Variants in ATXN1 observed in about 807,000 individuals in gnomAD.
ATXN1 encodes ataxin-1.
Under a neutral mutation model 56.4 loss-of-function variants are expected in ATXN1, and 8 were observed. The observed-to-expected ratio is 0.14, with a 90% confidence interval of 0.08 to 0.26. The LOEUF is 0.26. Ranked by LOEUF, ATXN1 falls within the 10% of genes least tolerant of loss-of-function variation. The probability of loss-of-function intolerance (pLI) is 1.00; values close to 1 mark genes in which losing one functional copy is unlikely to be tolerated. For missense variants in ATXN1, 987 were observed against 1,106.5 expected, an observed-to-expected ratio of 0.89 and a Z score of 1.53; for synonymous variants, 514 against 494.6, an observed-to-expected ratio of 1.04 and a Z score of -0.52.
chr6:16,662,122 T>G (rs1758332087), intron 2 of ATXN1, among the ~76,000 whole-genome samples: 1 of 152,152 alleles, frequency 6.6e-6, no homozygotes, highest in Non-Finnish European at 1.5e-5. Context: ...AAATCACCTG[T>G]TCAACAGCAC....
At chr6:16,347,235 A>C (rs1468034487) in intron 6 of ATXN1, among the ~76,000 whole-genome samples, 1 of 152,144 alleles carries the variant, frequency 6.6e-6, no homozygotes, top group Non-Finnish European at 1.5e-5. Context: ...GGCGCACGGC[A>C]CTGGCAGGCA....
chr6:16,381,752 G>A (rs912915157), intron 6 of ATXN1, among the ~76,000 whole-genome samples: 1 of 152,318 alleles, frequency 6.6e-6, no homozygotes, highest in South Asian at 2.1e-4. Context: ...GGACAACTCT[G>A]CCAGTCAGGT....
intron 3 of ATXN1, among the ~76,000 whole-genome samples, chr6:16,612,368 C>T (rs1365987485): frequency 6.6e-6 from 1 of 151,962 alleles, no homozygotes; most frequent in Non-Finnish European, 1.5e-5. Flanking sequence ...TGCAACAAAA[C>T]TCATTAATAG....
intron 3 of ATXN1, among the ~76,000 whole-genome samples, chr6:16,606,769 C>T (rs1353222885): frequency 6.6e-6 from 1 of 151,422 alleles, no homozygotes; most frequent in Non-Finnish European, 1.5e-5. Context: ...ACCTCGTGAT[C>T]CGCCCGCCTC....
intron 2 of ATXN1, among the ~76,000 whole-genome samples, chr6:16,710,250 A>G (rs1759494289): frequency 6.6e-6 from 1 of 152,240 alleles, no homozygotes; most frequent in Non-Finnish European, 1.5e-5. Context: ...TACCAAAGAT[A>G]TGCAATGTCT....
rs1761046013 is a variant in ATXN1 at position 16,760,354 on chromosome 6, G to GC, written c.-730+943dup. ...CGCCTGCCGCGGCTCCTCGTCTCCTGCCGCGGGTGCTGGCGGGGGCGCCGG... is the reference window on the plus strand; with the variant it reads ...CGCCTGCCGCGGCTCCTCGTCTCCTGCCCGCGGGTGCTGGCGGGGGCGCCGG... On this transcript the variant is annotated intron_variant, in intron 1 of 7. Coordinates refer to ENST00000436367, the MANE Select transcript of ATXN1 (RefSeq NM_001128164.2). This position sits in a 1 kb window ranked among gnomAD's most constrained non-coding sequence, Gnocchi z 5.3. Among the ~76,000 whole-genome samples, 1 of 151,716 alleles carries GC rather than the reference G, an allele frequency of 6.6e-6. No individual in the cohort carries two copies. The highest frequency in any genetic ancestry group is 2.1e-4 in the South Asian group (1 of 4,822).
intron 2 of ATXN1, among the ~76,000 whole-genome samples, chr6:16,677,045 A>T (rs1003192982): frequency 2.6e-5 from 4 of 152,196 alleles, no homozygotes; most frequent in Admixed American, 2.6e-4. Context: ...CAATGAATGA[A>T]TCATGTCTGT....
At chr6:16,405,912 G>A (rs754746984) in intron 6 of ATXN1, among the ~76,000 whole-genome samples, 10 of 152,122 alleles carry the variant, frequency 6.6e-5, no homozygotes, top group African/African-American at 9.7e-5. Flanking sequence ...AAGGAAGGCC[G>A]CACTGCAGTG....
intron 3 of ATXN1, among the ~76,000 whole-genome samples, chr6:16,643,787 C>A (rs894424890): frequency 6.6e-6 from 1 of 151,880 alleles, no homozygotes; most frequent in African/African-American, 2.4e-5. Context: ...AGAGTTCGAT[C>A]GTTTGTTTGA....
chr6:16,465,078 AAAC>A (rs1166800366), intron 6 of ATXN1, among the ~76,000 whole-genome samples: 1 of 152,222 alleles, frequency 6.6e-6, no homozygotes, highest in Non-Finnish European at 1.5e-5. Context: ...TAAAAAACAA[AAAC>A]AACAACAACA....
At chr6:16,747,368 A>G (rs1760568992) in intron 2 of ATXN1, among the ~76,000 whole-genome samples, 1 of 152,154 alleles carries the variant, frequency 6.6e-6, no homozygotes, top group Non-Finnish European at 1.5e-5. Flanking sequence ...TCTGCTCAAC[A>G]AGCCCATCGC....
intron 3 of ATXN1, among the ~76,000 whole-genome samples, chr6:16,641,363 T>C (rs1343194220): frequency 6.6e-6 from 1 of 152,204 alleles, no homozygotes; most frequent in East Asian, 1.9e-4. Flanking sequence ...AGAGGCTGAC[T>C]CTCTTGTTAC....
At chr6:16,735,809 C>T (rs754709135) in intron 2 of ATXN1, among the ~76,000 whole-genome samples, 8 of 151,656 alleles carry the variant, frequency 5.3e-5, no homozygotes, top group Non-Finnish European at 1.2e-4. Context: ...GGCAACAGTG[C>T]GAGACTCCAT....
intron 2 of ATXN1, among the ~76,000 whole-genome samples, chr6:16,668,832 A>T (rs1319040251): frequency 6.6e-6 from 1 of 151,582 alleles, no homozygotes; most frequent in Non-Finnish European, 1.5e-5. Context: ...ATTTTGAGAT[A>T]GGGGTCTATG....
intron 6 of ATXN1, among the ~76,000 whole-genome samples, chr6:16,355,107 G>A (rs1035668704): frequency 1.3e-5 from 2 of 152,044 alleles, no homozygotes; most frequent in African/African-American, 4.8e-5. Context: ...TTTAACTCTG[G>A]GGCAGTTGAA....
chr6:16,702,066 A>G (rs797097), intron 2 of ATXN1, among the ~76,000 whole-genome samples: 117,367 of 150,484 alleles, frequency 0.78, 46,111 homozygotes, highest in African/African-American at 0.9. Context: ...GAGGCATCAC[A>G]CTACCTGACT....
chr6:16,701,567 A>T (rs1009507502), intron 2 of ATXN1, among the ~76,000 whole-genome samples: 1 of 152,212 alleles, frequency 6.6e-6, no homozygotes, highest in Non-Finnish European at 1.5e-5. Flanking sequence ...AGATGACATG[A>T]TCATATATCT....
chr6:16,606,726 C>T (rs1401153653), intron 3 of ATXN1, among the ~76,000 whole-genome samples: 3 of 151,578 alleles, frequency 2.0e-5, no homozygotes, highest in East Asian at 1.9e-4. Context: ...GATGGGGTTT[C>T]GCCGTGTTAG....
chr6:16,731,454 C>CTTT (rs71559655), intron 2 of ATXN1, among the ~76,000 whole-genome samples: 2,546 of 81,272 alleles, frequency 0.031, 169 homozygotes, highest in Admixed American at 0.056. Context: ...TTTTTCTTTT[C>CTTT]TTTTTTTTTT....
Sources: gnomAD v4.1 joint callset for allele counts (sites outside exome capture counted in the v4.1 genomes callset) on GRCh38, gnomAD v4.1.1 for gene constraint, Gnocchi (gnomAD v3.1) non-coding constraint, MANE v1.5 for transcripts, NCBI Gene and HGNC (gene_info 2026-07-23, HGNC 2026-07-21) for gene names.